Variants in SH3PXD2B observed in about 807,000 individuals in gnomAD.
SH3PXD2B encodes the protein SH3 and PX domain-containing protein 2B.
In SH3PXD2B, 37 loss-of-function variants were observed where a neutral mutation model predicts 73.1. That is an observed-to-expected ratio of 0.51 (90% CI 0.39 to 0.67). The LOEUF (loss-of-function observed/expected upper bound fraction) is 0.67, where lower values mean the gene tolerates loss of function less well. Among genes scored for constraint, SH3PXD2B ranks in the 30% least tolerant of loss-of-function variants. The probability of loss-of-function intolerance (pLI) is 0.00; values close to 1 mark genes in which losing one functional copy is unlikely to be tolerated. For synonymous variants in SH3PXD2B, 457 were observed against 480.5 expected, an observed-to-expected ratio of 0.95 and a Z score of 0.64; for missense variants, 1,053 against 1,197.8, an observed-to-expected ratio of 0.88 and a Z score of 1.78.
At chr5:172,364,033 T>C (rs1757455400) in intron 6 of SH3PXD2B, among the ~76,000 whole-genome samples, 1 of 151,978 alleles carries the variant, frequency 6.6e-6, no homozygotes, top group Admixed American at 6.6e-5. Context: ...AGTAGAGAGG[T>C]GCTCCAGGGA....
At chr5:172,451,030 C>T (rs1017719749) in intron 1 of SH3PXD2B, among the ~76,000 whole-genome samples, 3 of 152,250 alleles carry the variant, frequency 2.0e-5, no homozygotes, top group Non-Finnish European at 4.4e-5. Context: ...TTCTCCAGAC[C>T]TGGCCTGTGG....
intron 4 of SH3PXD2B, among the ~76,000 whole-genome samples, chr5:172,385,021 G>C (rs1292177396): frequency 6.6e-6 from 1 of 152,128 alleles, no homozygotes; most frequent in African/African-American, 2.4e-5. Flanking sequence ...AGTTGAATCA[G>C]GGAGTCCCAG....
At chr5:172,354,845 C>T (rs561005830) in intron 8 of SH3PXD2B, among the ~76,000 whole-genome samples, 22 of 152,344 alleles carry the variant, frequency 1.4e-4, no homozygotes, top group African/African-American at 5.3e-4. Context: ...ACCCCTGAAA[C>T]TGTGGGACCA....
chr5:172,430,086 T>C (rs1759197343), intron 1 of SH3PXD2B, among the ~76,000 whole-genome samples: 1 of 152,232 alleles, frequency 6.6e-6, no homozygotes. Context: ...GCAATACTAC[T>C]AACTGCAAAG....
intron 2 of SH3PXD2B, among the ~76,000 whole-genome samples, chr5:172,422,144 G>A (rs1157720410): frequency 7.2e-5 from 11 of 152,078 alleles, no homozygotes; most frequent in African/African-American, 1.7e-4. Context: ...ACAGGCACCC[G>A]TCACCGCACC....
At chr5:172,372,391 TC>T (rs1561910491) in intron 6 of SH3PXD2B, among the ~76,000 whole-genome samples, 1 of 152,116 alleles carries the variant, frequency 6.6e-6, no homozygotes, top group Non-Finnish European at 1.5e-5. Context: ...ACCTTTGCCT[TC>T]CATCATGATG....
Position 172,406,329 on chromosome 5 carries a change from G to C in SH3PXD2B, c.180C>G (p.Pro60=). The C allele has an allele frequency of 6.2e-7, 1 of 1,613,982 alleles. No homozygotes were observed. Among genetic ancestry groups the C allele is most frequent in the Non-Finnish European group, 8.5e-7 (1 of 1,179,976 alleles). Reference sequence around the variant, plus strand: ...TGGGGTCCTTCTGTCCTCCTTCCATGGGAAATTTGTCCAACATCTGCATCT... The same window carrying C: ...TGGGGTCCTTCTGTCCTCCTTCCATCGGAAATTTGTCCAACATCTGCATCT... The part of the protein sequence containing the change: ...DLQMQMLDKF[P]MEGGQKDPKQ... Residue 60 remains proline (P), a synonymous_variant, in exon 3 of 13, where the codon CCC becomes CCG. Transcript: ENST00000311601.
Position 172,335,570 on chromosome 5 carries a change from A to C in SH3PXD2B, c.*2799T>G. On this transcript the variant is annotated 3_prime_UTR_variant, in exon 13 of 13. Transcript: ENST00000311601. ...CCTCACAGGCTTGCCGTAAGGATTAAAGGAGCGTGTGTGTTTAGGCACTGG... is the reference window on the plus strand; with the variant it reads ...CCTCACAGGCTTGCCGTAAGGATTACAGGAGCGTGTGTGTTTAGGCACTGG... 1.6e-6 allele frequency: 2 copies of C among 1,231,860 alleles called. No individual in the cohort carries two copies. Among genetic ancestry groups the C allele is most frequent in the Non-Finnish European group, 2.0e-6 (2 of 988,050 alleles). 76.3% of individuals were successfully genotyped at this position (1,231,860 alleles called of 1,614,324 possible). A position where few individuals can be genotyped will look rare whatever the true frequency, so the allele number is the denominator to read the frequency against.
In SH3PXD2B at chr5:172,348,654, C is replaced by CCTATCTAT. The variant is rs55939833; in HGVS notation, c.1013-1330_1013-1323dup. ...TCTATCTATGTATCTATCTATCTATCCTATCTATCTATCTATCTATCTATC... is the reference window on the plus strand; with the variant it reads ...TCTATCTATGTATCTATCTATCTATCCTATCTATCTATCTATCTATCTATCTATCTATC... On this transcript the variant is annotated intron_variant, in intron 10 of 12. Coordinates refer to ENST00000311601, the MANE Select transcript of SH3PXD2B (RefSeq NM_001017995.3). Among the ~76,000 whole-genome samples the CCTATCTAT allele has an allele frequency of 8.7e-3, 525 of 60,412 alleles. 4 individuals carry two copies. The highest frequency in any genetic ancestry group is 0.032 in the East Asian group (48 of 1,516). The allele number at this position is 60,412 out of a possible 152,430, so 39.6% of individuals were successfully genotyped here.
Position 172,337,229 on chromosome 5 carries a change from A to G in SH3PXD2B, c.*1140T>C, listed in dbSNP as rs575849687. ...AGGGATGGTGGGTGTGGGAGCAGCC[A>G]CGAATGCCCCCTCACCCCCCTCACA... On this transcript the variant is annotated 3_prime_UTR_variant, in exon 13 of 13. Coordinates refer to ENST00000311601, the MANE Select transcript of SH3PXD2B (RefSeq NM_001017995.3). The G allele has an allele frequency of 2.0e-6, 2 of 985,498 alleles. No homozygotes were observed. The highest frequency in any genetic ancestry group is 1.2e-4 in the Admixed American group (2 of 16,264). The allele number at this position is 985,498 out of a possible 1,614,324, so 61.0% of individuals were successfully genotyped here. A position where few individuals can be genotyped will look rare whatever the true frequency, so the allele number is the denominator to read the frequency against.
At chr5:172,351,657 T>G (rs879598868) in intron 9 of SH3PXD2B, among the ~76,000 whole-genome samples, 18 of 152,104 alleles carry the variant, frequency 1.2e-4, no homozygotes, top group Non-Finnish European at 1.9e-4. Context: ...TGTTAAACAT[T>G]TACCAGAACC....
chr5:172,430,749 C>T (rs1179445377), intron 1 of SH3PXD2B, among the ~76,000 whole-genome samples: 3 of 152,250 alleles, frequency 2.0e-5, no homozygotes, highest in African/African-American at 7.2e-5. Flanking sequence ...TGAGGACCAA[C>T]CTGTGCCAGG....
At position 172,335,923 on chromosome 5, in the gene SH3PXD2B, C is replaced by T. The variant is rs2113240050; in HGVS notation, c.*2446G>A. On this transcript the variant is annotated 3_prime_UTR_variant, in exon 13 of 13. Coordinates refer to ENST00000311601, the MANE Select transcript of SH3PXD2B (RefSeq NM_001017995.3). ...CCGCGGGTCATGTCAGAATAATCAT[C>T]ATCATCATAGCAAAAGAGAATGGCA... 8.5e-7 allele frequency: 1 copy of T among 1,179,872 alleles called. No homozygotes were observed. The highest frequency in any genetic ancestry group is 1.0e-6 in the Non-Finnish European group (1 of 955,620). The allele number at this position is 1,179,872 out of a possible 1,614,324, so 73.1% of individuals were successfully genotyped here.
At chr5:172,446,695 T>C (rs1468646675) in intron 1 of SH3PXD2B, among the ~76,000 whole-genome samples, 1 of 152,216 alleles carries the variant, frequency 6.6e-6, no homozygotes, top group African/African-American at 2.4e-5. Context: ...GGAAGTGGGC[T>C]GTAGGGCACA....
intron 1 of SH3PXD2B, among the ~76,000 whole-genome samples, chr5:172,448,449 C>A (rs1207328957): frequency 2.0e-5 from 3 of 152,168 alleles, no homozygotes; most frequent in Non-Finnish European, 2.9e-5. Flanking sequence ...CTCCCAGGTT[C>A]AAGTGATTTA....
intron 6 of SH3PXD2B, 54 bp downstream of exon 6, chr5:172,373,736 G>C: frequency 6.4e-7 from 1 of 1,569,792 alleles, no homozygotes; most frequent in Admixed American, 1.8e-5. Flanking sequence ...GTTGGTGCTC[G>C]GCTGGAGTTT....
At position 172,353,155 on chromosome 5, in the gene SH3PXD2B, T is replaced by C. The variant is rs1399030352; in HGVS notation, c.785+733A>G. Among the ~76,000 whole-genome samples the C allele has an allele frequency of 1.3e-5, 2 of 152,164 alleles. No individual in the cohort carries two copies. Among genetic ancestry groups the C allele is most frequent in the Non-Finnish European group, 2.9e-5 (2 of 68,022 alleles). ...ACAGAGATTCTTGGTGTGCGTTTGT[T>C]GAATGAATGAATGAATGCAGTGCTA... On this transcript the variant is annotated intron_variant, in intron 9 of 12. Transcript: ENST00000311601. The surrounding 1 kb of genome is among the most constrained non-coding windows in gnomAD (Gnocchi z 4.3).
chr5:172,325,291 A>C (rs1374457601), exon 13 of SH3PXD2B: 1 of 1,535,224 alleles, frequency 6.5e-7, no homozygotes, highest in South Asian at 1.2e-5. Context: ...TCTCCATGGA[A>C]GCTGCCACGT....
chr5:172,358,288 A>T (rs17702964), intron 8 of SH3PXD2B, among the ~76,000 whole-genome samples: 2 of 152,194 alleles, frequency 1.3e-5, no homozygotes, highest in Admixed American at 1.3e-4. Context: ...CAGGACATGC[A>T]TAGGGAAGGT....
Sources: gnomAD v4.1 joint callset for allele counts (sites outside exome capture counted in the v4.1 genomes callset) on GRCh38, gnomAD v4.1.1 for gene constraint, Gnocchi (gnomAD v3.1) non-coding constraint, MANE v1.5 for transcripts, NCBI Gene and HGNC (gene_info 2026-07-23, HGNC 2026-07-21) for gene names.